The following ANAPC2 variants were observed in gnomAD, a reference collection of about 807,000 sequenced individuals.
ANAPC2 encodes the protein anaphase-promoting complex subunit 2.
ANAPC2 carries 29 observed loss-of-function variants against 84.3 expected under a neutral mutation model. The observed-to-expected ratio is 0.34, with a 90% CI of 0.26 to 0.47. The LOEUF (loss-of-function observed/expected upper bound fraction) is 0.47. Ranked by LOEUF, ANAPC2 falls within the 20% of genes least tolerant of loss-of-function variation. The probability of loss-of-function intolerance (pLI) is 1.00; values close to 1 mark genes in which losing one functional copy is unlikely to be tolerated. For synonymous variants in ANAPC2, 571 were observed against 479.4 expected (o/e 1.19, Z -2.50); for missense variants, 857 against 1,131.7 (o/e 0.76, Z 3.48).
rs569964436 is a variant in ANAPC2 at position 137,180,536 on chromosome 9, A to T, written c.1611-9T>A. The T allele has an allele frequency of 6.2e-7, 1 of 1,612,934 alleles. No individual in the cohort carries two copies. Among genetic ancestry groups the T allele is most frequent in the African/African-American group, 1.3e-5 (1 of 75,058 alleles). Reference sequence around the variant, plus strand: ...CCACGTTGCGGATCTCCCTGGAAAGACGAGTGTCTGGGCAGGGGGTCGTGA... The same window carrying T: ...CCACGTTGCGGATCTCCCTGGAAAGTCGAGTGTCTGGGCAGGGGGTCGTGA... On this transcript the variant is annotated splice_polypyrimidine_tract_variant and intron_variant, in intron 8 of 12. Coordinates refer to ENST00000323927, the MANE Select transcript of ANAPC2 (RefSeq NM_013366.4).
At chr9:137,180,740 C>A (rs770099036) in intron 8 of ANAPC2, 48 bp downstream of exon 8, 1 of 1,592,894 alleles carries the variant, frequency 6.3e-7, no homozygotes, top group Admixed American at 1.7e-5. Context: ...AGAGGCTGGG[C>A]AAAGGCCCCG....
At chr9:137,184,869 C>T in intron 4 of ANAPC2, 44 bp downstream of exon 4, 1 of 1,598,590 alleles carries the variant, frequency 6.3e-7, no homozygotes, top group Non-Finnish European at 8.5e-7. Context: ...CCTGGGAAGA[C>T]TCCCCAGACG....
intron 3 of ANAPC2, 99 bp from the exon 4 acceptor site, chr9:137,185,186 C>T (rs1168453125): frequency 5.2e-6 from 7 of 1,336,064 alleles, no homozygotes; most frequent in Middle Eastern, 2.0e-4. Flanking sequence ...CCCTGTCGGC[C>T]GGGACCGAGG....
At chr9:137,183,335 G>A in intron 5 of ANAPC2, 93 bp from the exon 6 acceptor site, 1 of 1,115,748 alleles carries the variant, frequency 9.0e-7, no homozygotes, top group Non-Finnish European at 1.3e-6. Context: ...CATGCCGGTA[G>A]GTGGTCTACA....
intron 10 of ANAPC2, chr9:137,177,111 G>A (rs1353978850): frequency 1.3e-5 from 2 of 152,234 alleles, no homozygotes; most frequent in Non-Finnish European, 2.9e-5. Context: ...CCGCCTGTCT[G>A]AAGGCTTCGG....
At position 137,188,399 on chromosome 9, in the gene ANAPC2, C is replaced by G. The variant is rs1834527595; in HGVS notation, c.117+17G>C. The G allele has an allele frequency of 6.2e-7, 1 of 1,601,690 alleles. No individual in the cohort carries two copies. On this transcript the variant is annotated intron_variant, in intron 1 of 12. Transcript: ENST00000323927. The stretch of plus-strand genomic sequence containing the variant: ...GGAAACTCCGCGCGGGGCCGCCCCT[C>G]TCTTCCCAGGCCTCACCAGCCCCAG...
Position 137,181,741 on chromosome 9 carries a change from T to C in ANAPC2, c.1408A>G (p.Ser470Gly), listed in dbSNP as rs1834347567. The part of the protein sequence containing the change: ...DPASLETGQD[S>G]EDDSGEPEDW... Reference sequence around the variant, plus strand: ...TCTGGCTCGCCTGAGTCATCCTCACTGTCCTGGCCTGTCTCCAGGCTCGCC... The same window carrying C: ...TCTGGCTCGCCTGAGTCATCCTCACCGTCCTGGCCTGTCTCCAGGCTCGCC... The change falls in exon 7 of 13, where the codon AGT becomes GGT. Residue 470 changes from serine (S) to glycine (G), a missense_variant. Ser to Gly is a moderately conservative substitution (Grantham distance 56). Around this residue, in one of 3 missense-constraint regions of ANAPC2, gnomAD observed 425 missense variants for 595.5 expected, o/e 0.71. Transcript: ENST00000323927. 6 of 1,612,298 alleles carry C rather than the reference T, an allele frequency of 3.7e-6. No homozygotes were observed. The highest frequency in any genetic ancestry group is 4.2e-6 in the Non-Finnish European group (5 of 1,179,848).
chr9:137,176,121 G>A (rs964822133), intron 10 of ANAPC2: 8 of 356,926 alleles, frequency 2.2e-5, no homozygotes, highest in Non-Finnish European at 3.7e-5. Flanking sequence ...AAACAGGGTT[G>A]ATGCAGATGT....
Position 137,175,476 on chromosome 9 carries a change from C to A in ANAPC2, c.2021-4G>T. ...AGTTCCTCCAGGGTCCAGCTGGCTG[C>A]GTGCAGAGTCACCGGGACGCTGGGC... is the stretch of plus-strand genomic sequence containing the variant. On this transcript the variant is annotated splice_region_variant and splice_polypyrimidine_tract_variant and intron_variant, in intron 11 of 12. Transcript: ENST00000323927. 6.4e-7 allele frequency: 1 copy of A among 1,554,964 alleles called. No homozygotes were observed. Among genetic ancestry groups the A allele is most frequent in the Non-Finnish European group, 8.7e-7 (1 of 1,150,146 alleles).
intron 3 of ANAPC2, among the ~76,000 whole-genome samples, chr9:137,185,584 A>G (rs1475486869): frequency 6.6e-6 from 1 of 152,168 alleles, no homozygotes; most frequent in Non-Finnish European, 1.5e-5. Context: ...ACTCTTGCCC[A>G]CCGCTTTGGG....
At position 137,187,829 on chromosome 9, in the gene ANAPC2, A is replaced by G; in HGVS notation, c.392T>C (p.Leu131Pro). 6.2e-7 allele frequency: 1 copy of G among 1,613,622 alleles called. No individual in the cohort carries two copies. Among genetic ancestry groups the G allele is most frequent in the Non-Finnish European group, 8.5e-7 (1 of 1,180,028 alleles). ...RLDPYLRSLE[L>P]LEKWTRLGLL... ...GCCCAGGCGAGTCCATTTCTCCAGC[A>G]GCTCTAGGCTACGCAGGTAGGGATC... The change falls in exon 2 of 13, where the codon CTG (leucine) becomes CCG (proline). Residue 131 changes from leucine to proline, a missense_variant. Around this residue, in one of 3 missense-constraint regions of ANAPC2, gnomAD observed 428 missense variants for 513.8 expected, o/e 0.83. Coordinates refer to ENST00000323927, the MANE Select transcript of ANAPC2 (RefSeq NM_013366.4).
At position 137,183,779 on chromosome 9, in the gene ANAPC2, G is replaced by C; in HGVS notation, c.1061C>G (p.Ser354Cys). The C allele has an allele frequency of 6.2e-7, 1 of 1,613,298 alleles. No homozygotes were observed. The highest frequency in any genetic ancestry group is 8.5e-7 in the Non-Finnish European group (1 of 1,179,884). ...LFSIVRDFPD[S>C]RPAIEDLKYC... The stretch of plus-strand genomic sequence containing the variant: ...CTTGAGGTCCTCGATGGCTGGCCGG[G>C]AGTCTGGGAAGTCTACAAGAAGAAG... The change falls in exon 5 of 13, where the codon TCC (serine) becomes TGC (cysteine). Residue 354 changes from serine to cysteine, a missense_variant. Ser to Cys is a moderately radical substitution (Grantham distance 112). Around this residue, in one of 3 missense-constraint regions of ANAPC2, gnomAD observed 428 missense variants for 513.8 expected, o/e 0.83. Coordinates refer to ENST00000323927, the MANE Select transcript of ANAPC2 (RefSeq NM_013366.4).
rs1301872783 is a variant in ANAPC2 at position 137,188,552 on chromosome 9, G to A, written c.-20C>T. 4 of 1,597,050 alleles carry A rather than the reference G, an allele frequency of 2.5e-6. No individual in the cohort carries two copies. Among genetic ancestry groups the A allele is most frequent in the South Asian group, 1.1e-5 (1 of 89,904 alleles). ...CGCCATCTGCACCCACCGACTCCGA[G>A]ATTCGCTCGGCGCGGCGCGCGGCGA... On this transcript the variant is annotated 5_prime_UTR_variant, in exon 1 of 13. Transcript: ENST00000323927.
chr9:137,187,196 C>T lies in ANAPC2; in HGVS notation c.740+285G>A, dbSNP rs1405541966. 3 of 443,294 alleles carry T rather than the reference C, an allele frequency of 6.8e-6. No homozygotes were observed. In the Admixed American group the frequency reaches 1.1e-4, roughly 17 times the overall value. The allele number at this position is 443,294 out of a possible 1,614,324, so 27.5% of individuals were successfully genotyped here. A position where few individuals can be genotyped will look rare whatever the true frequency, so the allele number is the denominator to read the frequency against. On this transcript the variant is annotated intron_variant, in intron 2 of 12. Coordinates refer to ENST00000323927, the MANE Select transcript of ANAPC2 (RefSeq NM_013366.4). ...CGACAAAAGGCACAGTGGAATTCTGCAGAGTCCAGGAAGTTTGGAGTTGCT... is the reference window on the plus strand; with the variant it reads ...CGACAAAAGGCACAGTGGAATTCTGTAGAGTCCAGGAAGTTTGGAGTTGCT...
intron 2 of ANAPC2, 93 bp from the exon 3 acceptor site, chr9:137,186,449 G>A (rs998544793): frequency 2.0e-6 from 3 of 1,469,162 alleles, no homozygotes; most frequent in Non-Finnish European, 1.8e-6. Flanking sequence ...TGCCTGTAGA[G>A]TGCATGCAGC....
In ANAPC2 at chr9:137,180,163, G is replaced by A; in HGVS notation, c.1890+18C>T. 1 of 1,610,404 alleles carries A rather than the reference G, an allele frequency of 6.2e-7. No individual in the cohort carries two copies. Among genetic ancestry groups the A allele is most frequent in the Non-Finnish European group, 8.5e-7 (1 of 1,177,998 alleles). On this transcript the variant is annotated intron_variant, in intron 10 of 12. Transcript: ENST00000323927. ...TAGGGGTGCCAAGAGCCCATGGGGT[G>A]GCCTGGCATGGAGGTACCTTGAGCT...
intron 10 of ANAPC2, 137 bp from the exon 11 acceptor site, chr9:137,175,974 G>C: frequency 8.8e-7 from 1 of 1,135,462 alleles, no homozygotes; most frequent in South Asian, 1.6e-5. Flanking sequence ...GGTGAGCAGC[G>C]AGAGCACAGG....
chr9:137,180,588 T>G, intron 8 of ANAPC2, 61 bp from the exon 9 acceptor site: 1 of 1,605,572 alleles, frequency 6.2e-7, no homozygotes, highest in South Asian at 1.1e-5. Context: ...GGAGCACCTG[T>G]GGCAGGGCAC....
Position 137,188,440 on chromosome 9 carries a change from C to G in ANAPC2, c.93G>C (p.Leu31=), listed in dbSNP as rs1834528360. 6.2e-7 allele frequency: 1 copy of G among 1,609,392 alleles called. No homozygotes were observed. The highest frequency in any genetic ancestry group is 2.2e-5 in the East Asian group (1 of 44,840). ...LVAWNTVSTG[L]VPPAALGLVS... The stretch of plus-strand genomic sequence containing the variant: ...CCAGCCCCAGCGCAGCCGGCGGCAC[C>G]AGGCCGGTGCTCACGGTGTTCCAGG... Residue 31 remains leucine, a synonymous_variant, in exon 1 of 13, where the codon CTG becomes CTC. Coordinates refer to ENST00000323927, the MANE Select transcript of ANAPC2 (RefSeq NM_013366.4).
Sources: gnomAD v4.1 joint callset for allele counts (sites outside exome capture counted in the v4.1 genomes callset) on GRCh38, gnomAD v4.1.1 for gene constraint, gnomAD v4.1.1 regional missense constraint, MANE v1.5 for transcripts, NCBI Gene and HGNC (gene_info 2026-07-23, HGNC 2026-07-21) for gene names.